Variants in TFCP2 observed in about 807,000 individuals in gnomAD.
TFCP2 encodes alpha-globin transcription factor CP2.
In TFCP2, 33 loss-of-function variants were observed where a neutral mutation model predicts 73.4. The observed-to-expected ratio is 0.45, with a 90% CI of 0.34 to 0.60. TFCP2 has a LOEUF of 0.60. TFCP2 is among the 20% of genes least tolerant of loss of function. The pLI, the probability that TFCP2 is intolerant of heterozygous loss-of-function variation, is 0.01. For synonymous variants in TFCP2, 193 were observed against 211.6 expected, an observed-to-expected ratio of 0.91 and a Z score of 0.76; for missense variants, 352 against 604.0, an observed-to-expected ratio of 0.58 and a Z score of 4.37.
intron 1 of TFCP2, chr12:51,157,017 TC>T (rs57044175): frequency 0.9 from 124,379 of 138,874 alleles, 55,803 homozygotes; most frequent in Non-Finnish European, 0.94. Flanking sequence ...CTCTTTTTTT[TC>T]TTTTTTTTTT....
intron 5 of TFCP2, 152 bp downstream of exon 5, chr12:51,110,725 A>G (rs1040034836): frequency 3.0e-5 from 16 of 526,214 alleles, no homozygotes; most frequent in East Asian, 2.3e-4. Context: ...AAACTCCTCA[A>G]TGCTCTCAGG....
intron 6 of TFCP2, 61 bp downstream of exon 6, chr12:51,109,060 A>C: frequency 1.9e-6 from 3 of 1,548,242 alleles, no homozygotes; most frequent in South Asian, 2.4e-5. Flanking sequence ...CTTGGTAACT[A>C]ATGTTAAAAT....
intron 1 of TFCP2, among the ~76,000 whole-genome samples, chr12:51,155,227 G>T (rs1170465448): frequency 6.6e-6 from 1 of 152,144 alleles, no homozygotes; most frequent in African/African-American, 2.4e-5. Flanking sequence ...TTATGCCATT[G>T]GTTTCCCTGG....
At chr12:51,105,197 G>T (rs1031037023) in intron 8 of TFCP2, among the ~76,000 whole-genome samples, 2 of 150,108 alleles carry the variant, frequency 1.3e-5, no homozygotes, top group Non-Finnish European at 1.5e-5. Context: ...GGTTTCAAGC[G>T]ATTCTCCTGC....
chr12:51,104,095 G>A (rs1344153645), intron 9 of TFCP2, 60 bp downstream of exon 9: 22 of 1,510,110 alleles, frequency 1.5e-5, no homozygotes, highest in Non-Finnish European at 1.8e-5. Context: ...CTACTGAATT[G>A]GACAGTCATC....
At chr12:51,135,433 ACAC>A (rs1281497779) in intron 1 of TFCP2, among the ~76,000 whole-genome samples, 3 of 26,228 alleles carry the variant, frequency 1.1e-4, no homozygotes, top group Non-Finnish European at 2.7e-4. Flanking sequence ...ACACACACAC[ACAC>A]AAAAAAAACA....
In TFCP2 at chr12:51,110,571, C is replaced by G. The variant is rs562697905; in HGVS notation, c.564+306G>C. On this transcript the variant is annotated intron_variant, in intron 5 of 14. Transcript: ENST00000257915. Reference sequence around the variant, plus strand: ...AGACAAAGCCTAGACACTGTCCCCCCCCAAAAAAATTATGCCAATCTAACT... The same window carrying G: ...AGACAAAGCCTAGACACTGTCCCCCGCCAAAAAAATTATGCCAATCTAACT... Among the ~76,000 whole-genome samples, 25 of 151,872 alleles carry G rather than the reference C, an allele frequency of 1.6e-4. No homozygotes were observed. In the South Asian group the frequency reaches 4.8e-3, roughly 29 times the overall value.
chr12:51,143,342 C>T (rs1017004049), intron 1 of TFCP2, among the ~76,000 whole-genome samples: 1 of 150,168 alleles, frequency 6.7e-6, no homozygotes, highest in African/African-American at 2.5e-5. Flanking sequence ...AATGGCAACA[C>T]CATCCAACAA....
At chr12:51,140,238 T>C (rs1186973453) in intron 1 of TFCP2, among the ~76,000 whole-genome samples, 1 of 151,918 alleles carries the variant, frequency 6.6e-6, no homozygotes, top group Admixed American at 6.6e-5. Flanking sequence ...AATGATAGTA[T>C]TGATTAACTA....
chr12:51,096,086 C>T (rs774530659), intron 13 of TFCP2, 46 bp from the exon 14 acceptor site: 6 of 1,521,678 alleles, frequency 3.9e-6, no homozygotes, highest in Non-Finnish European at 5.5e-6. Flanking sequence ...GAAAAACAAC[C>T]CCTTTATATT....
rs537284034 is a variant in TFCP2 at position 51,162,125 on chromosome 12, G to A, written c.122+10176C>T. 4.6e-5 allele frequency among the ~76,000 whole-genome samples: 7 copies of A among 152,034 alleles called. No homozygotes were observed. In the East Asian group the frequency reaches 7.7e-4, roughly 17 times the overall value. On this transcript the variant is annotated intron_variant, in intron 1 of 14. Coordinates refer to ENST00000257915, the MANE Select transcript of TFCP2 (RefSeq NM_005653.5). ...ATAGAATTGAAATTACTTAAGCTAA[G>A]GAGCAGGAAAAAAAAACGAACAAAG...
chr12:51,098,869 T>C lies in TFCP2; in HGVS notation c.1326A>G (p.Glu442=), dbSNP rs777916039. Residue 442 remains glutamate, a synonymous_variant, in exon 13 of 15, where the codon GAA becomes GAG. Coordinates refer to ENST00000257915, the MANE Select transcript of TFCP2 (RefSeq NM_005653.5). ...AAATGCTGAAAAGCTGAGCAATTTT[T>C]TCTGTCAATTCAACAGCTGTTAGTT... ...LEELTAVELT[E]KIAQLFSISP... is the part of the protein sequence containing the mutation. The C allele has an allele frequency of 6.2e-7, 1 of 1,614,154 alleles. No homozygotes were observed. The highest frequency in any genetic ancestry group is 1.1e-5 in the South Asian group (1 of 91,080).
At chr12:51,158,062 C>T (rs2137038679) in intron 1 of TFCP2, among the ~76,000 whole-genome samples, 1 of 152,082 alleles carries the variant, frequency 6.6e-6, no homozygotes, top group African/African-American at 2.4e-5. Context: ...AGTGATGTGG[C>T]ACAATCATAG....
chr12:51,095,105 G>T lies in TFCP2; in HGVS notation c.*136C>A. 1.0e-6 allele frequency: 1 copy of T among 962,816 alleles called. No homozygotes were observed. The highest frequency in any genetic ancestry group is 1.7e-6 in the Non-Finnish European group (1 of 599,692). 59.6% of individuals were successfully genotyped at this position (962,816 alleles called of 1,614,324 possible). On this transcript the variant is annotated 3_prime_UTR_variant, in exon 15 of 15. Transcript: ENST00000257915. ...CAGAGGGCCAGGATTCTGCCTCCAT[G>T]GCCTGGACTCCTCCACACACAGTCA...
At chr12:51,153,188 A>C (rs367605433) in intron 1 of TFCP2, among the ~76,000 whole-genome samples, 3 of 152,200 alleles carry the variant, frequency 2.0e-5, no homozygotes, top group East Asian at 1.9e-4. Context: ...CAGCCTGGGC[A>C]ACATAGCAAG....
Position 51,104,210 on chromosome 12 carries a change from A to G in TFCP2, c.918-7T>C, listed in dbSNP as rs749314923. On this transcript the variant is annotated splice_polypyrimidine_tract_variant and splice_region_variant and intron_variant, in intron 8 of 14. Coordinates refer to ENST00000257915, the MANE Select transcript of TFCP2 (RefSeq NM_005653.5). ...GTGGTTTGGTGAACCATTTCTAAAG[A>G]AACATTTAAAATGAAAGGATGAGTC... 5.0e-6 allele frequency: 8 copies of G among 1,613,464 alleles called. No homozygotes were observed. In the South Asian group the frequency reaches 8.8e-5, roughly 18 times the overall value.
chr12:51,145,393 A>AAAAATAC (rs1555254747), intron 1 of TFCP2, among the ~76,000 whole-genome samples: 9 of 144,158 alleles, frequency 6.2e-5, no homozygotes, highest in Middle Eastern at 3.3e-3. Context: ...GAAAAAAAAA[A>AAAAATAC]AAATACAAAT....
chr12:51,159,292 G>C (rs1941602725), intron 1 of TFCP2, among the ~76,000 whole-genome samples: 1 of 151,416 alleles, frequency 6.6e-6, no homozygotes, highest in African/African-American at 2.4e-5. Flanking sequence ...TTGCCTCTTT[G>C]CAACTCTGTG....
intron 1 of TFCP2, among the ~76,000 whole-genome samples, chr12:51,119,904 G>A (rs931490090): frequency 2.0e-5 from 3 of 151,038 alleles, no homozygotes; most frequent in African/African-American, 7.3e-5. Context: ...CAAAAACTAG[G>A]CCAGGTGCTC....
Sources: allele counts gnomAD v4.1 joint callset (sites outside exome capture counted in the v4.1 genomes callset), GRCh38; gene constraint gnomAD v4.1.1; transcripts MANE v1.5; gene names NCBI Gene and HGNC (gene_info 2026-07-23, HGNC 2026-07-21).